TEX11: variants seen among roughly 807,000 people sequenced by gnomAD.
TEX11 encodes testis expressed 11.
Under a neutral mutation model 84.4 loss-of-function variants are expected in TEX11, and 7 were observed. That is an observed-to-expected ratio of 0.08 (90% CI 0.05 to 0.16). The LOEUF is 0.16. TEX11 is among the 10% of genes least tolerant of loss of function. The pLI, the probability that TEX11 is intolerant of heterozygous loss-of-function variation, is 1.00. For synonymous variants in TEX11, 264 were observed against 222.8 expected, an observed-to-expected ratio of 1.18 and a Z score of -1.64; for missense variants, 551 against 660.5, an observed-to-expected ratio of 0.83 and a Z score of 1.82.
At chrX:70,521,149 C>G in the TEX11 span, among the ~76,000 whole-genome samples, 1 of 111,404 alleles carries the variant, frequency 9.0e-6, no homozygotes, top group East Asian at 2.8e-4. Flanking sequence ...GCTGCACCCA[C>G]TGTCCAACCA....
chrX:70,861,990 A>T lies in TEX11; in HGVS notation c.245-1054T>A, dbSNP rs773732763. Among the ~76,000 whole-genome samples the T allele has an allele frequency of 6.9e-4, 75 of 109,371 alleles. 1 individual carries two copies. The highest frequency in any genetic ancestry group is 2.5e-3 in the African/African-American group (74 of 30,068). The allele number at this position is 109,371 out of a possible 115,157, so 95.0% of individuals were successfully genotyped here. On this transcript the variant is annotated intron_variant, in intron 4 of 29. Coordinates refer to ENST00000374333, the MANE Select transcript of TEX11 (RefSeq NM_031276.3). Reference sequence around the variant, plus strand: ...AATGTGAAACTTTCTAAATATATATATATTTTTTTCTGTAGAGAGGGGGTC... The same window carrying T: ...AATGTGAAACTTTCTAAATATATATTTATTTTTTTCTGTAGAGAGGGGGTC...
chrX:70,692,464 T>A (rs986928454), intron 13 of TEX11, among the ~76,000 whole-genome samples: 4 of 110,756 alleles, frequency 3.6e-5, no homozygotes, highest in Non-Finnish European at 7.6e-5. Context: ...GTAACCACCA[T>A]TCTATTCTGT....
At chrX:70,780,693 C>T (rs1021022865) in intron 9 of TEX11, among the ~76,000 whole-genome samples, 3 of 112,885 alleles carry the variant, frequency 2.7e-5, no homozygotes, top group Non-Finnish European at 5.6e-5. Context: ...CCCATGGAGC[C>T]TTGCTCACTG....
At chrX:70,827,441 G>A (rs1309552093) in intron 8 of TEX11, among the ~76,000 whole-genome samples, 1 of 111,354 alleles carries the variant, frequency 9.0e-6, no homozygotes, top group African/African-American at 3.3e-5. Context: ...TGGCTCTTGG[G>A]GTCCCCAAAT....
intron 28 of TEX11, among the ~76,000 whole-genome samples, chrX:70,544,168 G>A (rs763770087): frequency 8.9e-6 from 1 of 111,830 alleles, no homozygotes; most frequent in East Asian, 2.8e-4. Context: ...TATAAACACT[G>A]TATACCTAAG....
At chrX:70,570,288 G>A (rs774015217) in intron 25 of TEX11, among the ~76,000 whole-genome samples, 29 of 112,047 alleles carry the variant, frequency 2.6e-4, no homozygotes, top group East Asian at 5.7e-4. Context: ...GGAGTGACCC[G>A]ATTTTCCAGG....
chrX:70,807,947 T>C (rs112724893), intron 8 of TEX11, among the ~76,000 whole-genome samples: 1 of 105,881 alleles, frequency 9.4e-6, no homozygotes, highest in Admixed American at 1.0e-4. Context: ...CCACTAAAAA[T>C]ACAAAAATTA....
At chrX:70,804,866 G>C (rs780538478) in intron 9 of TEX11, among the ~76,000 whole-genome samples, 1 of 109,883 alleles carries the variant, frequency 9.1e-6, no homozygotes, top group African/African-American at 3.3e-5. Flanking sequence ...CCAGTTCCTA[G>C]AGAACATTTA....
At chrX:70,711,856 T>A (rs146215126) in intron 13 of TEX11, among the ~76,000 whole-genome samples, 58,060 of 109,864 alleles carry the variant, frequency 0.53, 12,627 homozygotes, top group Middle Eastern at 0.72. Context: ...AGACATGAAG[T>A]CCTTGCCCAT....
intron 15 of TEX11, among the ~76,000 whole-genome samples, chrX:70,671,962 C>T (rs1484150435): frequency 5.0e-5 from 5 of 100,181 alleles, no homozygotes; most frequent in African/African-American, 1.8e-4. Context: ...TGAACACATC[C>T]ATCACAACCA....
chrX:70,532,461 C>T (rs376010049), intron 28 of TEX11, among the ~76,000 whole-genome samples: 5 of 112,513 alleles, frequency 4.4e-5, no homozygotes, highest in South Asian at 7.4e-4. Context: ...TATGGCCTGG[C>T]GCAGTGGCTC....
At chrX:70,894,882 C>A (rs2091759089) in intron 2 of TEX11, among the ~76,000 whole-genome samples, 1 of 111,436 alleles carries the variant, frequency 9.0e-6, no homozygotes, top group Non-Finnish European at 1.9e-5. Flanking sequence ...TGGAACATAT[C>A]TCAAAATAAT....
Position 70,759,565 on chromosome X carries a change from C to A in TEX11, c.693-15346G>T, listed in dbSNP as rs180741111. ...AAGGCCTTTGACAAAATTCAACAGC[C>A]CTTCATGCTAAAAATTCTCAATAAA... On this transcript the variant is annotated intron_variant, in intron 9 of 29. Coordinates refer to ENST00000374333, the MANE Select transcript of TEX11 (RefSeq NM_031276.3). Among the ~76,000 whole-genome samples the A allele has an allele frequency of 1.4e-4, 16 of 111,540 alleles. No homozygotes were observed. In the East Asian group the frequency reaches 3.9e-3, roughly 28 times the overall value.
At chrX:70,750,403 C>T (rs898549822) in intron 9 of TEX11, among the ~76,000 whole-genome samples, 2 of 111,410 alleles carry the variant, frequency 1.8e-5, no homozygotes, top group Admixed American at 9.5e-5. Context: ...TACCATTTGA[C>T]CCAGCCATCC....
rs534334763 is a variant in TEX11 at position 70,690,824 on chromosome X, A to G, written c.1005-7999T>C. Among the ~76,000 whole-genome samples the G allele has an allele frequency of 2.7e-5, 3 of 112,217 alleles. No individual in the cohort carries two copies. The South Asian group carries it at 1.1e-3, about 42-fold the overall frequency. The stretch of plus-strand genomic sequence containing the variant: ...ATAATGTAAATGGTCTAAATATGCC[A>G]ATTAAAAGAAAGAAATTGGCAGCAT... On this transcript the variant is annotated intron_variant, in intron 13 of 29. Transcript: ENST00000374333.
intron 28 of TEX11, 85 bp from the exon 29 acceptor site, chrX:70,530,084 T>A: frequency 1.2e-6 from 1 of 857,341 alleles, no homozygotes; most frequent in Non-Finnish European, 1.7e-6. Flanking sequence ...GTCCCTTTAT[T>A]ACTAAACAAA....
At chrX:70,580,793 A>C (rs1428480808) in intron 25 of TEX11, among the ~76,000 whole-genome samples, 1 of 111,912 alleles carries the variant, frequency 8.9e-6, no homozygotes, top group African/African-American at 3.2e-5. Flanking sequence ...TTTGTGTTCA[A>C]CTGAAATTGA....
chrX:70,604,126 T>A (rs1186744794), intron 24 of TEX11, among the ~76,000 whole-genome samples: 1 of 111,675 alleles, frequency 9.0e-6, no homozygotes, highest in Non-Finnish European at 1.9e-5. Flanking sequence ...AACAAAATAA[T>A]GATTGTACTT....
intron 2 of TEX11, among the ~76,000 whole-genome samples, chrX:70,902,029 C>A: frequency 8.9e-6 from 1 of 112,731 alleles, no homozygotes; most frequent in Middle Eastern, 4.6e-3. Context: ...GAAGGAGGAT[C>A]GCTTGAGCCC....
Sources: gnomAD v4.1 joint callset for allele counts (sites outside exome capture counted in the v4.1 genomes callset) on GRCh38, gnomAD v4.1.1 for gene constraint, MANE v1.5 for transcripts, NCBI Gene and HGNC (gene_info 2026-07-23, HGNC 2026-07-21) for gene names.